Variants in HEATR4 observed in about 807,000 individuals in gnomAD.
The protein encoded by HEATR4 is HEAT repeat-containing protein 4.
HEATR4 carries 95 observed loss-of-function variants against 108.8 expected under a neutral mutation model. The ratio of observed to expected loss-of-function variants is 0.87; its 90% CI spans 0.74 to 1.04. The LOEUF (loss-of-function observed/expected upper bound fraction) is 1.04, where lower values mean the gene tolerates loss of function less well. Ranked by LOEUF, HEATR4 falls within the 50% of genes least tolerant of loss-of-function variation. The pLI is 0.00. For synonymous variants in HEATR4, 443 were observed against 459.4 expected (o/e 0.96, Z 0.46); for missense variants, 1,152 against 1,253.8 (o/e 0.92, Z 1.23).
At chr14:73,501,569 C>CTTTTT (rs1204245183) in intron 11 of HEATR4, among the ~76,000 whole-genome samples, 9 of 108,150 alleles carry the variant, frequency 8.3e-5, no homozygotes, top group African/African-American at 2.8e-4. Flanking sequence ...GTCTCTCTCT[C>CTTTTT]TTTTTTTTTT....
intron 12 of HEATR4, 80 bp from the exon 13 acceptor site, chr14:73,499,220 C>A: frequency 8.1e-7 from 1 of 1,230,630 alleles, no homozygotes; most frequent in Non-Finnish European, 1.2e-6. Flanking sequence ...GTGGTGCACC[C>A]CTGTAATCCC....
the HEATR4 span, among the ~76,000 whole-genome samples, chr14:73,570,354 G>T: frequency 1.4e-4 from 21 of 151,840 alleles, no homozygotes; most frequent in African/African-American, 4.4e-4. Context: ...CAGATCACGA[G>T]ATCAAAAGAT....
upstream of HEATR4, among the ~76,000 whole-genome samples, chr14:73,559,365 C>CACCT (rs1566855342): frequency 2.0e-4 from 30 of 151,614 alleles, no homozygotes; most frequent in Middle Eastern, 6.8e-3. Flanking sequence ...GTGATGTGTC[C>CACCT]GCCTTGGCCT....
At chr14:73,490,654 C>A (rs1176182019) in intron 17 of HEATR4, among the ~76,000 whole-genome samples, 1 of 152,144 alleles carries the variant, frequency 6.6e-6, no homozygotes, top group African/African-American at 2.4e-5. Flanking sequence ...GGGGTTTCAC[C>A]ATACTGGTCA....
rs138823359 is a variant in HEATR4 at position 73,514,100 on chromosome 14, C to T, written c.1345G>A (p.Glu449Lys). The change falls in exon 6 of 18, where the codon GAG (glutamate) becomes AAG (lysine). Residue 449 changes from glutamate to lysine, a missense_variant. Glu to Lys is a moderately conservative substitution (Grantham distance 56). Transcript: ENST00000553558. ...RLKKQAKSLQ[E>K]DVTWELVVLR... ...ACCACCAGTTCCCAGGTCACATCCT[C>T]CTGCAGTGATTTTGCCTGCTTCTTC... 1.8e-4 allele frequency: 289 copies of T among 1,614,212 alleles called. 3 individuals are homozygous for T. In the Middle Eastern group the frequency reaches 5.9e-3, roughly 33 times the overall value.
chr14:73,513,378 G>C (rs1054851077), intron 6 of HEATR4, among the ~76,000 whole-genome samples: 8 of 151,842 alleles, frequency 5.3e-5, no homozygotes, highest in Non-Finnish European at 7.4e-5. Context: ...AGAATCGCTT[G>C]AACCTGGGAG....
the HEATR4 span, among the ~76,000 whole-genome samples, chr14:73,590,741 C>T: frequency 6.6e-6 from 1 of 151,734 alleles, no homozygotes; most frequent in Non-Finnish European, 1.5e-5. Context: ...GCGGGGCCGC[C>T]GAGCCCACGC....
chr14:73,537,297 A>G lies in HEATR4; in HGVS notation c.-151-7053T>C, dbSNP rs1383608594. The G allele has an allele frequency of 2.3e-5, 20 of 871,244 alleles. 3 individuals are homozygous for G. In the African/African-American group the frequency reaches 3.2e-4, roughly 14 times the overall value. The allele number at this position is 871,244 out of a possible 1,614,324, so 54.0% of individuals were successfully genotyped here. On this transcript the variant is annotated intron_variant, in intron 1 of 17. Coordinates refer to ENST00000553558, the MANE Select transcript of HEATR4 (RefSeq NM_001220484.1). ...GACTCTGGCCTTCCCCGCTCACATT[A>G]GCAGACAGCTCTGCCCTAGTGGGCG...
the HEATR4 span, among the ~76,000 whole-genome samples, chr14:73,570,126 G>C: frequency 7.2e-6 from 1 of 138,486 alleles, no homozygotes. Context: ...TTTTTTTTCC[G>C]TCCCTGCCCT....
the HEATR4 span, among the ~76,000 whole-genome samples, chr14:73,572,038 T>A: frequency 2.6e-5 from 4 of 151,006 alleles, no homozygotes; most frequent in African/African-American, 9.8e-5. Flanking sequence ...CTGACCAGTA[T>A]GTGGAGGAAA....
chr14:73,527,130 G>A (rs1243149730), intron 2 of HEATR4: 1 of 152,162 alleles, frequency 6.6e-6, no homozygotes, highest in African/African-American at 2.4e-5. Flanking sequence ...GTAGGCTTAA[G>A]TCACAGCACT....
At chr14:73,540,140 T>C (rs917527547) in intron 1 of HEATR4, among the ~76,000 whole-genome samples, 3 of 118,128 alleles carry the variant, frequency 2.5e-5, no homozygotes, top group Non-Finnish European at 5.6e-5. Flanking sequence ...TGAAACTCAC[T>C]GCTAGAAGGA....
At position 73,512,097 on chromosome 14, in the gene HEATR4, G is replaced by A. The variant is rs372794275; in HGVS notation, c.1467C>T (p.Asp489=). ...CTTTGATCCGAACGTCATCATGCAG[G>A]TCTCCCAAGCTCTGAAGCAGGTTCT... ...TVENLLQSLG[D]LHDDVRIKAI... is the part of the protein sequence containing the mutation. Residue 489 remains aspartate, a synonymous_variant, in exon 7 of 18, where the codon GAC becomes GAT. Coordinates refer to ENST00000553558, the MANE Select transcript of HEATR4 (RefSeq NM_001220484.1). 1.2e-5 allele frequency: 19 copies of A among 1,614,124 alleles called. 1 individual carries two copies. In the African/African-American group the frequency reaches 2.1e-4, roughly 18 times the overall value.
At chr14:73,619,342 T>C in the HEATR4 span, 2 of 1,614,216 alleles carry the variant, frequency 1.2e-6, no homozygotes, top group Non-Finnish European at 1.7e-6. Context: ...TATCAATGCC[T>C]GTGTAGCCAA....
At chr14:73,527,559 A>AG (rs1283808112) in intron 2 of HEATR4, among the ~76,000 whole-genome samples, 2 of 151,584 alleles carry the variant, frequency 1.3e-5, no homozygotes, top group Non-Finnish European at 2.9e-5. Flanking sequence ...CAAAAGAAAA[A>AG]AAATCAAGCA....
chr14:73,596,988 CAAG>C, the HEATR4 span, among the ~76,000 whole-genome samples: 1 of 152,126 alleles, frequency 6.6e-6, no homozygotes, highest in African/African-American at 2.4e-5. Context: ...GCCACATATT[CAAG>C]AAGAATTGTA....
At chr14:73,537,401 AT>A in intron 1 of HEATR4, 1 of 1,233,716 alleles carries the variant, frequency 8.1e-7, no homozygotes, top group African/African-American at 1.5e-5. Flanking sequence ...GTTTGGCCGG[AT>A]TATTTGGGTT....
chr14:73,604,164 C>CTTTTTTT, the HEATR4 span, among the ~76,000 whole-genome samples: 2,599 of 120,492 alleles, frequency 0.022, 190 homozygotes, highest in African/African-American at 0.067. Flanking sequence ...TTGCTAATTT[C>CTTTTTTT]TTTTTTTTTT....
chr14:73,506,804 G>GTTTTTTTTTTTTTTGTTTTTTTTTT (rs1268314395), intron 9 of HEATR4, among the ~76,000 whole-genome samples: 2 of 80,522 alleles, frequency 2.5e-5, no homozygotes, highest in Non-Finnish European at 4.5e-5. Flanking sequence ...GACTTTAACT[G>GTTTTTTTTTTTTTTGTTTTTTTTTT]TTTTTTTTTT....
Sources: gnomAD v4.1 joint callset for allele counts (sites outside exome capture counted in the v4.1 genomes callset) on GRCh38, gnomAD v4.1.1 for gene constraint, MANE v1.5 for transcripts, NCBI Gene and HGNC (gene_info 2026-07-23, HGNC 2026-07-21) for gene names.